The following WDR17 variants were observed in gnomAD, a reference collection of about 807,000 sequenced individuals.
WDR17 encodes the protein WD repeat-containing protein 17.
In WDR17, 143 loss-of-function variants were observed where a neutral mutation model predicts 161.7. That is an observed-to-expected ratio of 0.88 (90% CI 0.77 to 1.02). WDR17 has a LOEUF of 1.02. Among genes scored for constraint, WDR17 ranks in the 50% least tolerant of loss-of-function variants. The pLI is 0.00. For synonymous variants in WDR17, 517 were observed against 515.6 expected (o/e 1.00, Z -0.04); for missense variants, 1,469 against 1,520.9 (o/e 0.97, Z 0.57).
intron 23 of WDR17, among the ~76,000 whole-genome samples, chr4:176,171,361 G>A (rs1285057880): frequency 6.6e-6 from 1 of 152,048 alleles, no homozygotes; most frequent in Non-Finnish European, 1.5e-5. Flanking sequence ...AAGAACCTAT[G>A]TCTCTATCTA....
chr4:176,146,624 T>A (rs184183981), intron 12 of WDR17, among the ~76,000 whole-genome samples: 38 of 152,252 alleles, frequency 2.5e-4, no homozygotes, highest in Non-Finnish European at 4.9e-4. Context: ...AAAACATGCA[T>A]TGGGACTTCA....
At chr4:176,074,462 C>CT (rs1025573245) in intron 1 of WDR17, among the ~76,000 whole-genome samples, 2 of 151,226 alleles carry the variant, frequency 1.3e-5, no homozygotes, top group African/African-American at 2.4e-5. Flanking sequence ...TGCTAATTTC[C>CT]TTTTTTTAAA....
At chr4:176,151,694 TTAGGAACA>T in intron 16 of WDR17, 110 bp from the exon 17 acceptor site, 1 of 895,822 alleles carries the variant, frequency 1.1e-6, no homozygotes, top group East Asian at 2.8e-5. Flanking sequence ...TTTTTGTGTG[TTAGGAACA>T]TTTCAATTCC....
chr4:176,117,521 A>C (rs1375277616), intron 3 of WDR17, among the ~76,000 whole-genome samples: 1 of 152,100 alleles, frequency 6.6e-6, no homozygotes, highest in East Asian at 1.9e-4. Context: ...AATGTTTTGC[A>C]GAAGTAATGA....
chr4:176,071,804 A>G (rs569735548), intron 1 of WDR17, among the ~76,000 whole-genome samples: 2 of 152,344 alleles, frequency 1.3e-5, no homozygotes, highest in South Asian at 4.1e-4. Context: ...TCAAATCCAT[A>G]TAATTTTCAT....
intron 17 of WDR17, among the ~76,000 whole-genome samples, 161 bp downstream of exon 17, chr4:176,152,128 G>A (rs565075144): frequency 7.3e-5 from 11 of 151,594 alleles, no homozygotes; most frequent in Admixed American, 2.0e-4. Context: ...TGAGCAACAC[G>A]GTAAAACCCC....
rs755213413 is a variant in WDR17 at position 176,177,062 on chromosome 4, C to G, written c.3454C>G (p.Leu1152Val). The stretch of plus-strand genomic sequence containing the variant: ...ATTTCCTTTTCACACGTTCAGTCAG[C>G]TATTAAAACGTCGGGAGGTGTCAGT... ...VPALYEYTSQ[L>V]LKRREVSVPL... The change falls in exon 27 of 29, where the codon CTA becomes GTA. Residue 1152 changes from leucine to valine, a missense_variant. Physicochemically the swap from Leu to Val is conservative, Grantham distance 32. Transcript: ENST00000508596. 6 of 1,612,788 alleles carry G rather than the reference C, an allele frequency of 3.7e-6. No individual in the cohort carries two copies. In the South Asian group the frequency reaches 5.5e-5, roughly 15 times the overall value.
chr4:176,146,846 T>C (rs1053935300), intron 12 of WDR17, among the ~76,000 whole-genome samples: 8 of 151,784 alleles, frequency 5.3e-5, no homozygotes, highest in Non-Finnish European at 1.0e-4. Flanking sequence ...GTGTGCAAGC[T>C]TAAGAGGACA....
Position 176,179,596 on chromosome 4 carries a change from A to G in WDR17, c.*17A>G, listed in dbSNP as rs755556399. On this transcript the variant is annotated 3_prime_UTR_variant, in exon 29 of 29. Transcript: ENST00000508596. Reference sequence around the variant, plus strand: ...CCATTCTGATAGAAGATTTTTGTCCATGCTTGATTTTTTTTTTTAAAGAAA... The same window carrying G: ...CCATTCTGATAGAAGATTTTTGTCCGTGCTTGATTTTTTTTTTTAAAGAAA... 6.6e-7 allele frequency: 1 copy of G among 1,517,522 alleles called. No homozygotes were observed. Among genetic ancestry groups the G allele is most frequent in the African/African-American group, 1.4e-5 (1 of 70,184 alleles). The allele number at this position is 1,517,522 out of a possible 1,614,324, so 94.0% of individuals were successfully genotyped here. A position where few individuals can be genotyped will look rare whatever the true frequency, so the allele number is the denominator to read the frequency against.
intron 1 of WDR17, chr4:176,098,366 G>A (rs936373514): frequency 2.0e-5 from 3 of 151,978 alleles, no homozygotes; most frequent in African/African-American, 7.2e-5. Flanking sequence ...ACATTCTAAA[G>A]TAAGGATAAT....
At chr4:176,109,620 A>C (rs1168467748) in intron 1 of WDR17, among the ~76,000 whole-genome samples, 1 of 152,250 alleles carries the variant, frequency 6.6e-6, no homozygotes, top group African/African-American at 2.4e-5. Flanking sequence ...GAAATATGAA[A>C]TAGAAAAGAT....
intron 11 of WDR17, among the ~76,000 whole-genome samples, chr4:176,144,913 A>C (rs1049529922): frequency 6.6e-6 from 1 of 152,016 alleles, no homozygotes; most frequent in Non-Finnish European, 1.5e-5. Flanking sequence ...TATGCATGTA[A>C]ATATATATAT....
Position 176,146,012 on chromosome 4 carries a change from G to T in WDR17, c.1547G>T (p.Gly516Val). Residue 516 changes from glycine (G) to valine (V), a missense_variant, in exon 12 of 29, where the codon GGC (glycine) becomes GTC (valine). Coordinates refer to ENST00000508596, the MANE Select transcript of WDR17 (RefSeq NM_181265.4). ...SQNNKDMIAT[G>V]CEDTNVRVYY... ...TATTTCAGAGACATGATAGCCACTG[G>T]CTGTGAAGACACAAATGTTCGTGTT... The T allele has an allele frequency of 6.2e-7, 1 of 1,613,454 alleles. No individual in the cohort carries two copies. Among genetic ancestry groups the T allele is most frequent in the Non-Finnish European group, 8.5e-7 (1 of 1,179,638 alleles).
chr4:176,126,281 G>T (rs1171681781), intron 5 of WDR17, among the ~76,000 whole-genome samples: 48 of 152,162 alleles, frequency 3.2e-4, no homozygotes, highest in Admixed American at 3.1e-3. Context: ...GGGATGGGAA[G>T]ATGGGGGAAT....
At position 176,150,540 on chromosome 4, in the gene WDR17, C is replaced by G. The variant is rs1746951368; in HGVS notation, c.2251C>G (p.Gln751Glu). 1 of 1,611,896 alleles carries G rather than the reference C, an allele frequency of 6.2e-7. No individual in the cohort carries two copies. The highest frequency in any genetic ancestry group is 2.2e-5 in the East Asian group (1 of 44,726). ...AGGACAGGATGATAGCTTACTTCCT[C>G]AGAACTACTGCAAAGGAATAATGCA... ...IKGQDDSLLP[Q>E]NYCKGIMHLK... The change falls in exon 16 of 29, where the codon CAG becomes GAG. Residue 751 changes from glutamine to glutamate, a missense_variant. Transcript: ENST00000508596.
chr4:176,117,833 CAA>C (rs1282440376), intron 3 of WDR17, among the ~76,000 whole-genome samples: 1 of 151,872 alleles, frequency 6.6e-6, no homozygotes, highest in Non-Finnish European at 1.5e-5. Flanking sequence ...ATTTTATTTG[CAA>C]AAAAATTATG....
chr4:176,177,730 G>T (rs1751647122), intron 28 of WDR17, 76 bp downstream of exon 28: 1 of 1,450,572 alleles, frequency 6.9e-7, no homozygotes, highest in Non-Finnish European at 9.2e-7. Context: ...CTTAAAATAA[G>T]CCTAATTTGG....
At chr4:176,120,288 T>A (rs560900262) in intron 4 of WDR17, among the ~76,000 whole-genome samples, 191 bp downstream of exon 4, 12 of 136,528 alleles carry the variant, frequency 8.8e-5, no homozygotes, top group African/African-American at 3.0e-4. Context: ...ATTTGAAGTT[T>A]TATATATATA....
At chr4:176,096,721 A>G in intron 1 of WDR17, 1 of 583,760 alleles carries the variant, frequency 1.7e-6, no homozygotes, top group Non-Finnish European at 2.8e-6. Flanking sequence ...TAAGACACTT[A>G]TTTGCTAGTT....
Sources: allele counts gnomAD v4.1 joint callset (sites outside exome capture counted in the v4.1 genomes callset), GRCh38; gene constraint gnomAD v4.1.1; transcripts MANE v1.5; gene names NCBI Gene and HGNC (gene_info 2026-07-23, HGNC 2026-07-21).